Variants in DLG2 observed in about 807,000 individuals in gnomAD.
The protein encoded by DLG2 is disks large homolog 2.
In DLG2, 45 loss-of-function variants were observed where a neutral mutation model predicts 132.5. The observed-to-expected ratio is 0.34, with a 90% CI of 0.27 to 0.44. The LOEUF is 0.44. DLG2 is among the 20% of genes least tolerant of loss of function. DLG2 has a pLI of 1.00. For synonymous variants in DLG2, 424 were observed against 419.6 expected, an observed-to-expected ratio of 1.01 and a Z score of -0.13; for missense variants, 1,045 against 1,196.9, an observed-to-expected ratio of 0.87 and a Z score of 1.87.
intron 3 of DLG2, among the ~76,000 whole-genome samples, chr11:85,539,463 CA>C (rs2075819914): frequency 6.6e-6 from 1 of 152,132 alleles, no homozygotes. Flanking sequence ...TCCCCTATGA[CA>C]GAAAGTATAA....
rs1166707823 is a variant in DLG2 at position 84,420,507 on chromosome 11, C to T, written c.519+114063G>A. Among the ~76,000 whole-genome samples the T allele has an allele frequency of 3.3e-5, 5 of 152,090 alleles. No homozygotes were observed. In the South Asian group the frequency reaches 6.2e-4, roughly 19 times the overall value. On this transcript the variant is annotated intron_variant, in intron 7 of 27. Coordinates refer to ENST00000376104, the MANE Select transcript of DLG2 (RefSeq NM_001142699.3). The stretch of plus-strand genomic sequence containing the variant: ...CAACACCCACCAGCATCATCAAATG[C>T]CTAAGGCATTGTGTTATTCAAGCAA...
chr11:85,480,223 T>C (rs966104091), intron 3 of DLG2, among the ~76,000 whole-genome samples: 11 of 152,338 alleles, frequency 7.2e-5, no homozygotes, highest in African/African-American at 2.6e-4. Flanking sequence ...AGATAGACAT[T>C]GTAATCCAGT....
intron 6 of DLG2, among the ~76,000 whole-genome samples, chr11:84,956,760 A>T (rs544557341): frequency 1.3e-5 from 2 of 152,330 alleles, no homozygotes; most frequent in African/African-American, 4.8e-5. Flanking sequence ...TTAAAAAATG[A>T]GGGTTAGATA....
At chr11:83,483,179 A>T (rs956872051) in intron 22 of DLG2, 2 of 1,324,324 alleles carry the variant, frequency 1.5e-6, no homozygotes, top group East Asian at 4.6e-5. Context: ...GCCCTCAGGA[A>T]AAGGAACAAA....
chr11:83,990,512 C>T (rs372471633), intron 11 of DLG2, among the ~76,000 whole-genome samples: 3 of 152,224 alleles, frequency 2.0e-5, no homozygotes, highest in African/African-American at 4.8e-5. Flanking sequence ...TGCCCGCCTA[C>T]GCTGAGGAGG....
At chr11:84,750,816 GAT>G (rs1320477925) in intron 6 of DLG2, among the ~76,000 whole-genome samples, 2 of 152,228 alleles carry the variant, frequency 1.3e-5, no homozygotes, top group Admixed American at 6.5e-5. Flanking sequence ...TGTAATTTAT[GAT>G]CTTACCACCT....
At chr11:85,162,872 T>C (rs1286133689) in intron 4 of DLG2, among the ~76,000 whole-genome samples, 4 of 152,216 alleles carry the variant, frequency 2.6e-5, no homozygotes, top group Non-Finnish European at 4.4e-5. Flanking sequence ...ATTCAAAGTA[T>C]TGATCCTGGG....
chr11:85,522,112 C>T lies in DLG2; in HGVS notation c.40+76545G>A, dbSNP rs187520288. Among the ~76,000 whole-genome samples the T allele has an allele frequency of 1.3e-4, 20 of 152,280 alleles. 1 individual carries two copies. The highest frequency in any genetic ancestry group is 4.1e-4 in the African/African-American group (17 of 41,556). The stretch of plus-strand genomic sequence containing the variant: ...AAGGCCTAGGAAGGAAAAATTGTTT[C>T]CTGGGTTGGGTCCAGGGCCCTCTTG... On this transcript the variant is annotated intron_variant, in intron 3 of 27. Transcript: ENST00000376104.
chr11:84,197,927 A>G (rs927668013), intron 8 of DLG2, among the ~76,000 whole-genome samples: 21 of 152,280 alleles, frequency 1.4e-4, no homozygotes, highest in African/African-American at 4.8e-4. Flanking sequence ...GGATGGCTTC[A>G]GCGGCCCCAC....
chr11:85,387,112 T>G (rs12789336), intron 3 of DLG2, among the ~76,000 whole-genome samples: 4,055 of 152,122 alleles, frequency 0.027, 87 homozygotes, highest in Non-Finnish European at 0.044. Context: ...GGTCTCAAAC[T>G]CCTTACCTCA....
intron 6 of DLG2, among the ~76,000 whole-genome samples, chr11:84,768,386 G>A (rs1013139923): frequency 6.6e-6 from 1 of 152,028 alleles, no homozygotes; most frequent in African/African-American, 2.4e-5. Context: ...AATTAGTATT[G>A]TTTTTTCATA....
intron 27 of DLG2, 73 bp downstream of exon 27, chr11:83,461,929 C>T (rs767007725): frequency 2.9e-6 from 3 of 1,039,162 alleles, no homozygotes; most frequent in East Asian, 2.4e-5. Context: ...ACACCAGGCC[C>T]AGAACCCTCT....
At chr11:85,581,681 G>T (rs1328431700) in intron 3 of DLG2, among the ~76,000 whole-genome samples, 2 of 152,026 alleles carry the variant, frequency 1.3e-5, no homozygotes, top group Admixed American at 6.6e-5. Flanking sequence ...TACCTGCTAG[G>T]ACTATGACTG....
intron 6 of DLG2, among the ~76,000 whole-genome samples, chr11:84,716,923 T>C (rs1318555500): frequency 6.6e-6 from 1 of 152,012 alleles, no homozygotes; most frequent in Non-Finnish European, 1.5e-5. Flanking sequence ...CTAATGCCCA[T>C]CATAATGCCT....
chr11:84,998,919 C>T (rs992339466), intron 6 of DLG2, among the ~76,000 whole-genome samples: 1 of 151,914 alleles, frequency 6.6e-6, no homozygotes, highest in Non-Finnish European at 1.5e-5. Flanking sequence ...AGGATTCTCT[C>T]TGTTTTCAAC....
chr11:84,388,156 A>G (rs772272112), intron 7 of DLG2, among the ~76,000 whole-genome samples: 13 of 152,190 alleles, frequency 8.5e-5, no homozygotes, highest in Non-Finnish European at 1.9e-4. Context: ...GACTTATCCT[A>G]CAGATACACA....
intron 15 of DLG2, among the ~76,000 whole-genome samples, chr11:83,879,621 C>T (rs1400315): frequency 0.3 from 45,742 of 151,972 alleles, 7,355 homozygotes; most frequent in East Asian, 0.48. Flanking sequence ...ATAATTAAAA[C>T]GTCATCACCT....
At chr11:85,365,060 A>C (rs1050689232) in intron 3 of DLG2, among the ~76,000 whole-genome samples, 4 of 152,302 alleles carry the variant, frequency 2.6e-5, no homozygotes, top group Middle Eastern at 3.4e-3. Context: ...GCCAAAAAAC[A>C]TGAAATAAGT....
At chr11:83,497,829 A>C (rs1017350906) in intron 21 of DLG2, among the ~76,000 whole-genome samples, 1 of 152,040 alleles carries the variant, frequency 6.6e-6, no homozygotes, top group African/African-American at 2.4e-5. Flanking sequence ...AATAACTCCA[A>C]TAAAATCTAC....
Sources: allele counts gnomAD v4.1 joint callset (sites outside exome capture counted in the v4.1 genomes callset), GRCh38; gene constraint gnomAD v4.1.1; transcripts MANE v1.5; gene names NCBI Gene and HGNC (gene_info 2026-07-23, HGNC 2026-07-21).